The following HACL1 variants were observed in gnomAD, a reference collection of about 807,000 sequenced individuals.
HACL1 encodes 1600020H07Rik.
A neutral mutation model predicts 74.2 loss-of-function variants in HACL1; 64 were observed. The observed-to-expected ratio is 0.86, with a 90% CI of 0.70 to 1.06. The LOEUF (loss-of-function observed/expected upper bound fraction) is 1.06. Ranked by LOEUF, HACL1 falls within the 50% of genes least tolerant of loss-of-function variation. The pLI, the probability that HACL1 is intolerant of heterozygous loss-of-function variation, is 0.00. For missense variants in HACL1, 728 were observed against 719.7 expected (o/e 1.01, Z -0.13); for synonymous variants, 230 against 238.8 (o/e 0.96, Z 0.34).
rs772724916 is a variant in HACL1, at chr3:15,582,866, A to G, written c.667+11T>C. Reference sequence around the variant, plus strand: ...AAAGCCTAGCAAGATTTAGAGTTCTATTCATGCTACCTTTCCCGATGATAA... The same window carrying G: ...AAAGCCTAGCAAGATTTAGAGTTCTGTTCATGCTACCTTTCCCGATGATAA... On this transcript the variant is annotated intron_variant, in intron 8 of 16. Transcript: ENST00000321169. 2 of 1,387,914 alleles carry G rather than the reference A, an allele frequency of 1.4e-6. No individual in the cohort carries two copies. Among genetic ancestry groups the G allele is most frequent in the South Asian group, 2.3e-5 (2 of 85,364 alleles). 86.0% of individuals were successfully genotyped at this position (1,387,914 alleles called of 1,614,324 possible).
chr3:15,579,745 A>G (rs1559554096), intron 9 of HACL1, among the ~76,000 whole-genome samples, 165 bp downstream of exon 9: 1 of 152,222 alleles, frequency 6.6e-6, no homozygotes, highest in Non-Finnish European at 1.5e-5. Context: ...ATGACTGCAG[A>G]TTTCTCATAT....
Position 15,601,198 on chromosome 3 carries a change from A to G in HACL1, c.82-4T>C, listed in dbSNP as rs116481579. ...TGCCAAATATGTACTCCACATCCTG[A>G]GGAACGAAGAACAGGGGAGTAAACT... On this transcript the variant is annotated splice_polypyrimidine_tract_variant and splice_region_variant and intron_variant, in intron 1 of 16. Coordinates refer to ENST00000321169, the MANE Select transcript of HACL1 (RefSeq NM_012260.4). 1.9e-6 allele frequency: 3 copies of G among 1,605,290 alleles called. No individual in the cohort carries two copies. In the South Asian group the frequency reaches 3.3e-5, roughly 18 times the overall value.
intron 5 of HACL1, among the ~76,000 whole-genome samples, chr3:15,589,313 A>G (rs1559558939): frequency 6.6e-6 from 1 of 152,082 alleles, no homozygotes; most frequent in African/African-American, 2.4e-5. Context: ...CCTGGGCAAC[A>G]TGGTGAAACC....
At chr3:15,598,798 A>C (rs915606087) in intron 2 of HACL1, among the ~76,000 whole-genome samples, 1 of 152,208 alleles carries the variant, frequency 6.6e-6, no homozygotes, top group Admixed American at 6.5e-5. Flanking sequence ...TAGTTCAGGT[A>C]CCATTTAAGT....
At chr3:15,581,148 C>T (rs1426972322) in intron 8 of HACL1, among the ~76,000 whole-genome samples, 1 of 152,184 alleles carries the variant, frequency 6.6e-6, no homozygotes, top group Non-Finnish European at 1.5e-5. Flanking sequence ...GTGATCCGCC[C>T]ACCTCGGCCT....
At chr3:15,600,894 G>A (rs1033497535) in intron 2 of HACL1, 196 bp downstream of exon 2, 4 of 611,498 alleles carry the variant, frequency 6.5e-6, no homozygotes, top group Non-Finnish European at 1.2e-5. Flanking sequence ...TGTCACCAAA[G>A]GCAAGTTTTA....
At position 15,575,082 on chromosome 3, in the gene HACL1, C is replaced by G. The variant is rs774077543; in HGVS notation, c.804G>C (p.Arg268Ser). 2 of 1,490,342 alleles carry G rather than the reference C, an allele frequency of 1.3e-6. No individual in the cohort carries two copies. Among genetic ancestry groups the G allele is most frequent in the South Asian group, 2.3e-5 (2 of 85,986 alleles). The allele number at this position is 1,490,342 out of a possible 1,614,324, so 92.3% of individuals were successfully genotyped here. A position where few individuals can be genotyped will look rare whatever the true frequency, so the allele number is the denominator to read the frequency against. The change falls in exon 10 of 17, where the codon AGG becomes AGC. Residue 268 changes from arginine to serine, a missense_variant and splice_region_variant. Physicochemically the swap from Arg to Ser is moderately radical, Grantham distance 110. Transcript: ENST00000321169. ...CAATTACATCAGCAAATTGCAAAGC[C>G]CTATTAAAAAAATTGATATGAAAGT... ...HPYCVGAARS[R>S]ALQFADVIVL...
intron 14 of HACL1, among the ~76,000 whole-genome samples, chr3:15,565,696 CACTAAAAGGCTA>C (rs781571715): frequency 2.0e-5 from 3 of 152,156 alleles, no homozygotes; most frequent in Non-Finnish European, 4.4e-5. Context: ...AGTCATTATC[CACTAAAAGGCTA>C]ACTTCCCCAT....
chr3:15,592,019 C>T (rs191074599), intron 3 of HACL1, among the ~76,000 whole-genome samples: 11 of 142,936 alleles, frequency 7.7e-5, no homozygotes, highest in East Asian at 2.3e-4. Flanking sequence ...CGTATATATA[C>T]ACACACTACA....
Position 15,589,527 on chromosome 3 carries a change from T to TAA in HACL1, c.381+11_381+12dup. 1 of 1,557,336 alleles carries TAA rather than the reference T, an allele frequency of 6.4e-7. No individual in the cohort carries two copies. Among genetic ancestry groups the TAA allele is most frequent in the Non-Finnish European group, 8.8e-7 (1 of 1,136,834 alleles). The stretch of plus-strand genomic sequence containing the variant: ...TTAAAAATAAAAAAAACCAAAATCT[T>TAA]AAAGTTGGATACCTGAGGAAACTCC... On this transcript the variant is annotated intron_variant, in intron 5 of 16. Coordinates refer to ENST00000321169, the MANE Select transcript of HACL1 (RefSeq NM_012260.4).
At chr3:15,580,195 T>C in intron 8 of HACL1, 150 bp from the exon 9 acceptor site, 1 of 630,210 alleles carries the variant, frequency 1.6e-6, no homozygotes, top group East Asian at 3.0e-5. Flanking sequence ...TGGCATGATT[T>C]TGGCTCACTG....
chr3:15,566,319 C>T (rs1442277928), intron 14 of HACL1, among the ~76,000 whole-genome samples: 1 of 152,184 alleles, frequency 6.6e-6, no homozygotes, highest in African/African-American at 2.4e-5. Context: ...CATAACTACA[C>T]ACATGATCCA....
chr3:15,601,135 G>C lies in HACL1; in HGVS notation c.141C>G (p.Ala47=), dbSNP rs1163620170. 4 of 1,613,690 alleles carry C rather than the reference G, an allele frequency of 2.5e-6. No individual in the cohort carries two copies. Among genetic ancestry groups the C allele is most frequent in the African/African-American group, 2.7e-5 (2 of 75,006 alleles). The change falls in exon 2 of 17, where the codon GCC becomes GCG. Residue 47 remains alanine, a synonymous_variant. Coordinates refer to ENST00000321169, the MANE Select transcript of HACL1 (RefSeq NM_012260.4). ...CGATGTACTTGATGCCTAGCTGCTG[G>C]GCAGCAATGGCGATTTCGGTCACTG... ...GIPVTEIAIA[A]QQLGIKYIGM...
At chr3:15,577,155 G>A (rs1410128725) in intron 9 of HACL1, among the ~76,000 whole-genome samples, 2 of 152,114 alleles carry the variant, frequency 1.3e-5, no homozygotes, top group Non-Finnish European at 2.9e-5. Flanking sequence ...ATAGCATTAA[G>A]TGAGGAACAA....
chr3:15,593,174 T>TGTATATATACACACATATATATGTGC (rs1017074010), intron 3 of HACL1, among the ~76,000 whole-genome samples: 8 of 150,322 alleles, frequency 5.3e-5, no homozygotes, highest in South Asian at 2.1e-4. Context: ...TATATATGTG[T>TGTATATATACACACATATATATGTGC]GTATATATAC....
At chr3:15,570,847 T>A (rs1424009590) in intron 12 of HACL1, among the ~76,000 whole-genome samples, 1 of 151,926 alleles carries the variant, frequency 6.6e-6, no homozygotes, top group Admixed American at 6.6e-5. Context: ...AGGCTATACA[T>A]TGGATCAAAA....
chr3:15,585,453 CCTTGTGG>C, intron 6 of HACL1, 111 bp from the exon 7 acceptor site: 1 of 656,318 alleles, frequency 1.5e-6, no homozygotes, highest in South Asian at 1.9e-5. Flanking sequence ...TTCTGGACAT[CCTTGTGG>C]AGAAAAAAAT....
At chr3:15,563,956 A>G (rs1327335568) in intron 15 of HACL1, among the ~76,000 whole-genome samples, 2 of 152,232 alleles carry the variant, frequency 1.3e-5, no homozygotes, top group African/African-American at 4.8e-5. Context: ...AACTATTATG[A>G]ATCCAGAAGA....
In HACL1 at chr3:15,596,327, G is replaced by A. The variant is rs376350063; in HGVS notation, c.227+57C>T. The A allele has an allele frequency of 8.4e-4, 737 of 873,410 alleles. 3 individuals carry two copies. The highest frequency in any genetic ancestry group is 3.2e-3 in the Middle Eastern group (15 of 4,652). The allele number at this position is 873,410 out of a possible 1,614,324, so 54.1% of individuals were successfully genotyped here. A position where few individuals can be genotyped will look rare whatever the true frequency, so the allele number is the denominator to read the frequency against. Reference sequence around the variant, plus strand: ...TGAACTCATCCTTCAGCTGAAAGACGTAATAGTTCTACCCCAAAATATTAA... The same window carrying A: ...TGAACTCATCCTTCAGCTGAAAGACATAATAGTTCTACCCCAAAATATTAA... On this transcript the variant is annotated intron_variant, in intron 3 of 16. Transcript: ENST00000321169.
Sources: gnomAD v4.1 joint callset for allele counts (sites outside exome capture counted in the v4.1 genomes callset) on GRCh38, gnomAD v4.1.1 for gene constraint, MANE v1.5 for transcripts, NCBI Gene and HGNC (gene_info 2026-07-23, HGNC 2026-07-21) for gene names.